SLIT2: variants seen among roughly 807,000 people sequenced by gnomAD.
SLIT2 encodes slit homolog 2 protein.
In SLIT2, 41 loss-of-function variants were observed where a neutral mutation model predicts 185.7. That is an observed-to-expected ratio of 0.22 (90% CI 0.17 to 0.29). SLIT2 has a LOEUF of 0.29. Among genes scored for constraint, SLIT2 ranks in the 10% least tolerant of loss-of-function variants. The probability of loss-of-function intolerance (pLI) is 1.00; values close to 1 mark genes in which losing one functional copy is unlikely to be tolerated. For missense variants in SLIT2, 1,571 were observed against 1,909.0 expected (o/e 0.82, Z 3.30); for synonymous variants, 693 against 680.2 (o/e 1.02, Z -0.29).
intron 4 of SLIT2, among the ~76,000 whole-genome samples, chr4:20,319,874 T>C (rs1468786597): frequency 6.6e-6 from 1 of 151,664 alleles, no homozygotes; most frequent in Non-Finnish European, 1.5e-5. Context: ...TATCTTTGAA[T>C]AGCCCTGGTT....
chr4:20,583,823 T>G (rs907922177), intron 29 of SLIT2, among the ~76,000 whole-genome samples: 3 of 151,072 alleles, frequency 2.0e-5, no homozygotes, highest in Non-Finnish European at 4.4e-5. Flanking sequence ...ATAATAATAA[T>G]AATAATAAAA....
At chr4:20,430,137 G>A (rs1022610555) in intron 4 of SLIT2, among the ~76,000 whole-genome samples, 1 of 150,838 alleles carries the variant, frequency 6.6e-6, no homozygotes, top group Non-Finnish European at 1.5e-5. Context: ...ACTATTTTTA[G>A]ATTAGTATAC....
intron 4 of SLIT2, among the ~76,000 whole-genome samples, chr4:20,342,912 CTTTT>C (rs930665020): frequency 6.6e-6 from 1 of 151,420 alleles, no homozygotes; most frequent in African/African-American, 2.4e-5. Flanking sequence ...CATTTTCTTT[CTTTT>C]CTTTCTTTTT....
chr4:20,556,530 A>G (rs1724267877), intron 26 of SLIT2, among the ~76,000 whole-genome samples: 1 of 152,048 alleles, frequency 6.6e-6, no homozygotes, highest in Admixed American at 6.6e-5. Flanking sequence ...ATCACAGTTT[A>G]CACTAATTTG....
intron 4 of SLIT2, among the ~76,000 whole-genome samples, chr4:20,286,003 T>C (rs1219549461): frequency 6.6e-6 from 1 of 152,234 alleles, no homozygotes; most frequent in Non-Finnish European, 1.5e-5. Flanking sequence ...TTAATAGTGC[T>C]TCATTCGTTT....
intron 4 of SLIT2, among the ~76,000 whole-genome samples, chr4:20,299,337 G>A (rs1450804849): frequency 1.3e-5 from 2 of 152,048 alleles, no homozygotes; most frequent in Admixed American, 6.5e-5. Flanking sequence ...AACAAATTTT[G>A]TTACTGGAAC....
At chr4:20,498,404 G>A (rs2148809215) in intron 9 of SLIT2, among the ~76,000 whole-genome samples, 1 of 152,190 alleles carries the variant, frequency 6.6e-6, no homozygotes, top group African/African-American at 2.4e-5. Context: ...TACATGATCT[G>A]GTCTATGGCA....
At chr4:20,540,149 A>G (rs1236880682) in intron 19 of SLIT2, among the ~76,000 whole-genome samples, 3 of 152,070 alleles carry the variant, frequency 2.0e-5, no homozygotes, top group Admixed American at 6.6e-5. Context: ...TTAACCAGGC[A>G]TGGTGACAGG....
At chr4:20,395,139 C>T (rs1725781976) in intron 4 of SLIT2, among the ~76,000 whole-genome samples, 1 of 151,970 alleles carries the variant, frequency 6.6e-6, no homozygotes, top group South Asian at 2.1e-4. Context: ...ATTTTAATTA[C>T]ATAATTATGA....
At chr4:20,550,368 AG>A (rs879146809) in intron 24 of SLIT2, among the ~76,000 whole-genome samples, 1 of 134,894 alleles carries the variant, frequency 7.4e-6, no homozygotes, top group Admixed American at 7.3e-5. Context: ...CTATGCTTGC[AG>A]GGGTTTTTTT....
At chr4:20,514,799 G>A (rs563121285) in intron 11 of SLIT2, among the ~76,000 whole-genome samples, 10 of 150,538 alleles carry the variant, frequency 6.6e-5, no homozygotes, top group Non-Finnish European at 1.0e-4. Context: ...TTTTTATTAC[G>A]TATTATATAA....
In SLIT2 at chr4:20,401,982, T is replaced by G. The variant is rs1444771528; in HGVS notation, c.396-65770T>G. ...ATTTAAAGTATTTTGTTTTATTCTT[T>G]CTCATTTGATTGGCGATCCTTGAAT... On this transcript the variant is annotated intron_variant, in intron 4 of 36. Coordinates refer to ENST00000504154, the MANE Select transcript of SLIT2 (RefSeq NM_004787.4). Among the ~76,000 whole-genome samples, 19 of 151,940 alleles carry G rather than the reference T, an allele frequency of 1.3e-4. 1 individual carries two copies. In the Admixed American group the frequency reaches 1.3e-3, roughly 10 times the overall value.
intron 4 of SLIT2, among the ~76,000 whole-genome samples, chr4:20,270,454 C>T (rs1411757417): frequency 6.6e-6 from 1 of 151,876 alleles, no homozygotes; most frequent in Non-Finnish European, 1.5e-5. Context: ...GATTTTATAA[C>T]TGTATGCAGC....
At chr4:20,398,541 T>C (rs961663281) in intron 4 of SLIT2, among the ~76,000 whole-genome samples, 1 of 151,782 alleles carries the variant, frequency 6.6e-6, no homozygotes, top group African/African-American at 2.4e-5. Flanking sequence ...GAGGATGTTT[T>C]ATCTACTTTC....
At chr4:20,398,483 G>A (rs996326500) in intron 4 of SLIT2, among the ~76,000 whole-genome samples, 1 of 151,770 alleles carries the variant, frequency 6.6e-6, no homozygotes, top group African/African-American at 2.4e-5. Context: ...TTTGCAAATA[G>A]CACTGAAAAT....
At chr4:20,518,860 C>T (rs1421665444) in intron 11 of SLIT2, among the ~76,000 whole-genome samples, 1 of 151,372 alleles carries the variant, frequency 6.6e-6, no homozygotes, top group Non-Finnish European at 1.5e-5. Context: ...CCCGCCTCGG[C>T]CTCCCAAAGT....
At chr4:20,359,978 G>A (rs960418263) in intron 4 of SLIT2, among the ~76,000 whole-genome samples, 2 of 152,112 alleles carry the variant, frequency 1.3e-5, no homozygotes, top group Admixed American at 1.3e-4. Context: ...TGAGAAGAAA[G>A]AGTATTCAGT....
intron 11 of SLIT2, 100 bp from the exon 12 acceptor site, chr4:20,519,282 T>C: frequency 1.5e-6 from 1 of 682,812 alleles, no homozygotes; most frequent in Middle Eastern, 3.8e-4. Flanking sequence ...GATGTATTGA[T>C]TGCCTACTAG....
intron 4 of SLIT2, among the ~76,000 whole-genome samples, chr4:20,331,446 ACT>A (rs1192862777): frequency 6.6e-6 from 1 of 152,128 alleles, no homozygotes; most frequent in East Asian, 1.9e-4. Context: ...CCATATTGTT[ACT>A]ATAATTTTCA....
Sources: allele counts gnomAD v4.1 joint callset (sites outside exome capture counted in the v4.1 genomes callset), GRCh38; gene constraint gnomAD v4.1.1; transcripts MANE v1.5; gene names NCBI Gene and HGNC (gene_info 2026-07-23, HGNC 2026-07-21).